The following TNNI3K variants were observed in gnomAD, a reference collection of about 807,000 sequenced individuals.
TNNI3K encodes TNNI3 interacting kinase, also known as serine/threonine-protein kinase TNNI3K.
A neutral mutation model predicts 114.5 loss-of-function variants in TNNI3K; 140 were observed. The ratio of observed to expected loss-of-function variants is 1.22; its 90% CI spans 1.07 to 1.41. The LOEUF is 1.41. Ranked by LOEUF, TNNI3K falls within the 40% of genes most tolerant of loss-of-function variation. The probability of loss-of-function intolerance (pLI) is 0.00; values close to 1 mark genes in which losing one functional copy is unlikely to be tolerated. For missense variants in TNNI3K, 1,125 were observed against 1,007.6 expected, an observed-to-expected ratio of 1.12 and a Z score of -1.58; for synonymous variants, 347 against 347.5, an observed-to-expected ratio of 1.00 and a Z score of 0.02.
At chr1:74,458,759 T>C (rs1325597633) in intron 20 of TNNI3K, among the ~76,000 whole-genome samples, 1 of 152,330 alleles carries the variant, frequency 6.6e-6, no homozygotes, top group Non-Finnish European at 1.5e-5. Flanking sequence ...GTTTTTTAAT[T>C]GTTTACTGTT....
intron 5 of TNNI3K, among the ~76,000 whole-genome samples, chr1:74,297,522 CGTGTGTGTGTGT>C (rs10633137): frequency 1.4e-5 from 2 of 145,352 alleles, no homozygotes; most frequent in African/African-American, 2.5e-5. Context: ...TGTGTGTGTG[CGTGTGTGTGTGT>C]GTGTGTGTGT....
At chr1:74,495,387 T>C (rs932070884) in intron 23 of TNNI3K, among the ~76,000 whole-genome samples, 1 of 152,224 alleles carries the variant, frequency 6.6e-6, no homozygotes, top group Non-Finnish European at 1.5e-5. Context: ...TTAGTATCTA[T>C]CTAGCAGTAT....
chr1:74,253,838 A>T (rs942619986), intron 4 of TNNI3K, among the ~76,000 whole-genome samples: 18 of 152,162 alleles, frequency 1.2e-4, no homozygotes, highest in African/African-American at 4.3e-4. Flanking sequence ...GTGCAGCCAG[A>T]GTGGGCGCCA....
At chr1:74,451,713 T>C (rs1667024662) in intron 20 of TNNI3K, among the ~76,000 whole-genome samples, 2 of 74,444 alleles carry the variant, frequency 2.7e-5, no homozygotes, top group African/African-American at 1.1e-4. Context: ...CTTTCTTTCT[T>C]TCTTTCTTTC....
At chr1:74,239,988 A>G (rs1368979586) in intron 2 of TNNI3K, 1 of 470,380 alleles carries the variant, frequency 2.1e-6, no homozygotes, top group Non-Finnish European at 4.4e-6. Context: ...AAATGAAGAA[A>G]AAGAGAAGGC....
intron 4 of TNNI3K, among the ~76,000 whole-genome samples, chr1:74,260,127 C>G (rs1181376111): frequency 3.3e-5 from 5 of 152,120 alleles, no homozygotes; most frequent in Non-Finnish European, 5.9e-5. Context: ...ATTGAACTCG[C>G]AGACAGAAAT....
intron 23 of TNNI3K, among the ~76,000 whole-genome samples, chr1:74,527,208 G>C (rs1218416953): frequency 1.3e-5 from 2 of 152,198 alleles, no homozygotes; most frequent in Non-Finnish European, 2.9e-5. Flanking sequence ...GGCACACGGA[G>C]ACTCATAAGG....
intron 7 of TNNI3K, among the ~76,000 whole-genome samples, chr1:74,336,698 G>T (rs1265162833): frequency 6.6e-6 from 1 of 151,298 alleles, no homozygotes; most frequent in Admixed American, 6.6e-5. Context: ...TTTTATGGCT[G>T]CATAGTATTC....
At chr1:74,257,994 C>T (rs943240399) in intron 4 of TNNI3K, among the ~76,000 whole-genome samples, 5 of 152,160 alleles carry the variant, frequency 3.3e-5, no homozygotes, top group Non-Finnish European at 7.4e-5. Flanking sequence ...TTATTCCTAG[C>T]ATGTGGCTCT....
At chr1:74,325,146 T>C (rs746212484) in intron 5 of TNNI3K, among the ~76,000 whole-genome samples, 3 of 152,182 alleles carry the variant, frequency 2.0e-5, no homozygotes, top group Non-Finnish European at 2.9e-5. Context: ...ATCATCCGCA[T>C]GCATGAGTTT....
intron 11 of TNNI3K, among the ~76,000 whole-genome samples, chr1:74,357,677 G>A (rs529986114): frequency 3.9e-5 from 6 of 152,074 alleles, no homozygotes; most frequent in African/African-American, 7.2e-5. Context: ...CCTGGTGACC[G>A]TCATCCTACA....
intron 17 of TNNI3K, among the ~76,000 whole-genome samples, chr1:74,409,244 C>T (rs1026830408): frequency 6.6e-6 from 1 of 152,046 alleles, no homozygotes; most frequent in Non-Finnish European, 1.5e-5. Flanking sequence ...GTATTCAAAC[C>T]TAAGTCTGAC....
At chr1:74,426,567 C>T (rs1211319500) in intron 17 of TNNI3K, among the ~76,000 whole-genome samples, 3 of 152,010 alleles carry the variant, frequency 2.0e-5, no homozygotes, top group African/African-American at 7.2e-5. Flanking sequence ...AATGGCATCT[C>T]TTTTTTTCTA....
At chr1:74,423,309 T>C (rs919214192) in intron 17 of TNNI3K, among the ~76,000 whole-genome samples, 10 of 152,104 alleles carry the variant, frequency 6.6e-5, no homozygotes, top group Admixed American at 3.3e-4. Flanking sequence ...GCTTATAGAC[T>C]GCGCTCTTCT....
chr1:74,543,874 T>C, intron 24 of TNNI3K, 32 bp from the exon 25 acceptor site: 1 of 1,613,222 alleles, frequency 6.2e-7, no homozygotes. Flanking sequence ...GAAAGACTAG[T>C]AAGTAACAAC....
At chr1:74,479,053 T>C (rs1375277335) in intron 21 of TNNI3K, among the ~76,000 whole-genome samples, 2 of 152,208 alleles carry the variant, frequency 1.3e-5, no homozygotes, top group Non-Finnish European at 2.9e-5. Context: ...AAAAATACAA[T>C]CAATTAATTC....
intron 11 of TNNI3K, among the ~76,000 whole-genome samples, chr1:74,360,326 C>G (rs1411325653): frequency 1.3e-5 from 2 of 151,978 alleles, no homozygotes; most frequent in Non-Finnish European, 2.9e-5. Flanking sequence ...TATCATAACA[C>G]ACAGAGACTT....
intron 17 of TNNI3K, among the ~76,000 whole-genome samples, chr1:74,420,881 TTTAA>T (rs1383914159): frequency 2.0e-5 from 3 of 152,066 alleles, no homozygotes; most frequent in Non-Finnish European, 1.5e-5. Context: ...TGTCAGGAAT[TTTAA>T]TTAGTTTTGT....
chr1:74,236,317 C>A, intron 2 of TNNI3K, 107 bp downstream of exon 2: 1 of 914,326 alleles, frequency 1.1e-6, no homozygotes, highest in Non-Finnish European at 1.6e-6. Context: ...CAGACATAAG[C>A]AGTCATGTTC....
Sources: gnomAD v4.1 joint callset for allele counts (sites outside exome capture counted in the v4.1 genomes callset) on GRCh38, gnomAD v4.1.1 for gene constraint, MANE v1.5 for transcripts, NCBI Gene and HGNC (gene_info 2026-07-23, HGNC 2026-07-21) for gene names.